The following ERBB4 variants were observed in gnomAD, a reference collection of about 807,000 sequenced individuals.
ERBB4 encodes receptor tyrosine-protein kinase erbB-4.
Under a neutral mutation model 158.0 loss-of-function variants are expected in ERBB4, and 42 were observed. The ratio of observed to expected loss-of-function variants is 0.27; its 90% CI spans 0.21 to 0.34. The LOEUF (loss-of-function observed/expected upper bound fraction) is 0.34. Ranked by LOEUF, ERBB4 falls within the 10% of genes least tolerant of loss-of-function variation. The probability of loss-of-function intolerance (pLI) is 1.00; values close to 1 mark genes in which losing one functional copy is unlikely to be tolerated. For missense variants in ERBB4, 1,333 were observed against 1,624.1 expected (o/e 0.82, Z 3.08); for synonymous variants, 583 against 558.7 (o/e 1.04, Z -0.61).
At chr2:211,389,764 A>G (rs1432559726) in intron 25 of ERBB4, among the ~76,000 whole-genome samples, 1 of 152,152 alleles carries the variant, frequency 6.6e-6, no homozygotes, top group Admixed American at 6.6e-5. Flanking sequence ...CCTCATTTTC[A>G]TTCTTGGCCT....
At chr2:212,504,863 T>C (rs968593569) in intron 1 of ERBB4, among the ~76,000 whole-genome samples, 3 of 152,164 alleles carry the variant, frequency 2.0e-5, no homozygotes, top group Admixed American at 1.3e-4. Context: ...ATATGGATAG[T>C]ATCAATGAAG....
chr2:211,766,167 GCAAAAGAATCACCT>G (rs1242354126), intron 4 of ERBB4, among the ~76,000 whole-genome samples: 1 of 152,018 alleles, frequency 6.6e-6, no homozygotes, highest in Non-Finnish European at 1.5e-5. Flanking sequence ...CCTACAATTG[GCAAAAGAATCACCT>G]CTAAATTGAA....
intron 1 of ERBB4, among the ~76,000 whole-genome samples, chr2:212,145,782 C>T (rs1265910879): frequency 6.8e-6 from 1 of 147,288 alleles, no homozygotes; most frequent in Non-Finnish European, 1.5e-5. Flanking sequence ...TGTACTTTCT[C>T]ATCCTTATCG....
intron 1 of ERBB4, among the ~76,000 whole-genome samples, chr2:212,531,192 C>A (rs911315292): frequency 1.3e-5 from 2 of 152,158 alleles, no homozygotes; most frequent in East Asian, 1.9e-4. Context: ...AATGACTCTT[C>A]TTGCCAAAAC....
intron 1 of ERBB4, among the ~76,000 whole-genome samples, chr2:212,381,932 C>T (rs2090516641): frequency 6.6e-6 from 1 of 150,798 alleles, no homozygotes; most frequent in Non-Finnish European, 1.5e-5. Context: ...AACAGTTTCC[C>T]ATATAACTCC....
chr2:211,794,809 T>C lies in ERBB4; in HGVS notation c.422-6650A>G, dbSNP rs561917338. On this transcript the variant is annotated intron_variant, in intron 3 of 27. Transcript: ENST00000342788. ...CAAATTGTCTTATTATATAATCCCA[T>C]ACGTGTGTCAACGTCTAACTTTTTT... 6.6e-5 allele frequency among the ~76,000 whole-genome samples: 10 copies of C among 152,024 alleles called. No homozygotes were observed. In the South Asian group the frequency reaches 2.1e-3, roughly 31 times the overall value.
intron 1 of ERBB4, among the ~76,000 whole-genome samples, chr2:212,321,991 C>T (rs569825916): frequency 1.2e-4 from 18 of 150,252 alleles, no homozygotes; most frequent in African/African-American, 3.4e-4. Context: ...GAGAATAATA[C>T]GATTTTGTTG....
At chr2:211,876,846 A>G (rs1221104376) in intron 3 of ERBB4, among the ~76,000 whole-genome samples, 1 of 152,188 alleles carries the variant, frequency 6.6e-6, no homozygotes, top group Non-Finnish European at 1.5e-5. Flanking sequence ...TTTTTTTATC[A>G]TGCCAAAACA....
chr2:211,622,140 C>T (rs538350772), intron 18 of ERBB4, among the ~76,000 whole-genome samples: 103 of 152,194 alleles, frequency 6.8e-4, no homozygotes, highest in Non-Finnish European at 1.2e-3. Flanking sequence ...CCACATAATT[C>T]GTTGATATTT....
At chr2:212,032,135 T>C (rs1180777100) in intron 2 of ERBB4, among the ~76,000 whole-genome samples, 1 of 152,150 alleles carries the variant, frequency 6.6e-6, no homozygotes, top group Non-Finnish European at 1.5e-5. Context: ...ATATGCAATG[T>C]TGATGCAGGC....
chr2:212,013,146 T>G (rs1297386521), intron 2 of ERBB4, among the ~76,000 whole-genome samples: 2 of 150,810 alleles, frequency 1.3e-5, no homozygotes, highest in Admixed American at 6.6e-5. Context: ...AATCTCCACC[T>G]CCCAGGTTCA....
chr2:212,315,746 A>T (rs1170465179), intron 1 of ERBB4, among the ~76,000 whole-genome samples: 3 of 151,450 alleles, frequency 2.0e-5, no homozygotes. Context: ...ATACAATGTC[A>T]GATTCCGGGC....
At chr2:212,377,175 A>G (rs1372658700) in intron 1 of ERBB4, among the ~76,000 whole-genome samples, 4 of 149,876 alleles carry the variant, frequency 2.7e-5, no homozygotes, top group African/African-American at 9.7e-5. Flanking sequence ...TGAAGTTTGG[A>G]AAGCACTTAA....
At chr2:212,131,541 G>A (rs984159950) in intron 1 of ERBB4, among the ~76,000 whole-genome samples, 23 of 152,116 alleles carry the variant, frequency 1.5e-4, no homozygotes, top group Admixed American at 5.2e-4. Context: ...AGTGACTGCC[G>A]TGCAGCCACT....
chr2:212,416,831 G>C (rs1173917743), intron 1 of ERBB4, among the ~76,000 whole-genome samples: 1 of 151,970 alleles, frequency 6.6e-6, no homozygotes, highest in African/African-American at 2.4e-5. Flanking sequence ...GTGTTTCAAA[G>C]CTTGACTAAT....
At chr2:212,199,325 A>C (rs1047782212) in intron 1 of ERBB4, among the ~76,000 whole-genome samples, 2 of 152,176 alleles carry the variant, frequency 1.3e-5, no homozygotes, top group African/African-American at 4.8e-5. Flanking sequence ...TACCCATTAC[A>C]TTAAGGTAAT....
intron 20 of ERBB4, among the ~76,000 whole-genome samples, chr2:211,459,943 G>C (rs903600949): frequency 2.6e-5 from 4 of 152,052 alleles, no homozygotes; most frequent in African/African-American, 9.7e-5. Context: ...AAGTAATTAA[G>C]CTTAGAGGAG....
At chr2:211,629,219 T>C (rs953308501) in intron 17 of ERBB4, among the ~76,000 whole-genome samples, 9 of 152,154 alleles carry the variant, frequency 5.9e-5, no homozygotes, top group African/African-American at 2.2e-4. Context: ...AAAATCAATG[T>C]GCAAAAATCA....
chr2:211,819,851 A>G (rs1428315435), intron 3 of ERBB4, among the ~76,000 whole-genome samples: 1 of 151,880 alleles, frequency 6.6e-6, no homozygotes, highest in African/African-American at 2.4e-5. Context: ...GGATAAAGAG[A>G]GTAGGAAATA....
Sources: allele counts gnomAD v4.1 joint callset (sites outside exome capture counted in the v4.1 genomes callset), GRCh38; gene constraint gnomAD v4.1.1; transcripts MANE v1.5; gene names NCBI Gene and HGNC (gene_info 2026-07-23, HGNC 2026-07-21).